The following KAZN variants were observed in gnomAD, a reference collection of about 807,000 sequenced individuals.
KAZN encodes kazrin, periplakin interacting protein, also known as kazrin.
KAZN carries 40 observed loss-of-function variants against 87.4 expected under a neutral mutation model. The ratio of observed to expected loss-of-function variants is 0.46; its 90% CI spans 0.36 to 0.60. The LOEUF is 0.60. Ranked by LOEUF, KAZN falls within the 20% of genes least tolerant of loss-of-function variation. KAZN has a pLI of 0.00. For synonymous variants in KAZN, 466 were observed against 458.3 expected, an observed-to-expected ratio of 1.02 and a Z score of -0.22; for missense variants, 898 against 1,073.9, an observed-to-expected ratio of 0.84 and a Z score of 2.29.
intron 1 of KAZN, among the ~76,000 whole-genome samples, chr1:14,031,982 A>C (rs944884000): frequency 5.9e-5 from 9 of 152,180 alleles, no homozygotes; most frequent in African/African-American, 1.9e-4. Context: ...ATAATTCCCC[A>C]AATTGGTAAC....
At chr1:14,437,327 C>G (rs1048216282) in intron 2 of KAZN, among the ~76,000 whole-genome samples, 1 of 152,236 alleles carries the variant, frequency 6.6e-6, no homozygotes, top group Non-Finnish European at 1.5e-5. Flanking sequence ...CAATGAGGAG[C>G]ATTTTCAGAA....
intron 1 of KAZN, among the ~76,000 whole-genome samples, chr1:14,039,706 A>G (rs1054735305): frequency 6.6e-6 from 1 of 152,250 alleles, no homozygotes; most frequent in African/African-American, 2.4e-5. Context: ...GTTGATCAAT[A>G]TAAACAGCCT....
chr1:14,502,519 C>G (rs1216841729), intron 2 of KAZN, among the ~76,000 whole-genome samples: 2 of 152,162 alleles, frequency 1.3e-5, no homozygotes, highest in Non-Finnish European at 2.9e-5. Flanking sequence ...AAACCATGAG[C>G]TCTCTTCTTT....
At chr1:14,090,952 A>C (rs1241705884) in intron 1 of KAZN, among the ~76,000 whole-genome samples, 3 of 151,946 alleles carry the variant, frequency 2.0e-5, no homozygotes, top group Non-Finnish European at 1.5e-5. Flanking sequence ...TGTCTACTAA[A>C]AATACAAAAA....
chr1:14,230,539 C>T (rs576979049), intron 2 of KAZN, among the ~76,000 whole-genome samples: 2 of 152,114 alleles, frequency 1.3e-5, no homozygotes, highest in Non-Finnish European at 2.9e-5. Context: ...GGTCGGAGTC[C>T]AATCCCTGTG....
intron 2 of KAZN, among the ~76,000 whole-genome samples, chr1:14,254,612 C>T (rs1650337133): frequency 6.6e-6 from 1 of 151,952 alleles, no homozygotes; most frequent in Non-Finnish European, 1.5e-5. Flanking sequence ...TGGAACAGCT[C>T]ATTATTTTAC....
At chr1:14,718,150 T>C (rs1271273747) in intron 1 of KAZN, among the ~76,000 whole-genome samples, 1 of 152,242 alleles carries the variant, frequency 6.6e-6, no homozygotes, top group Non-Finnish European at 1.5e-5. Flanking sequence ...GCATTTTCGA[T>C]GTGCTTCATG....
intron 2 of KAZN, among the ~76,000 whole-genome samples, chr1:14,352,139 A>G (rs1334625641): frequency 6.6e-6 from 1 of 152,216 alleles, no homozygotes; most frequent in African/African-American, 2.4e-5. Flanking sequence ...TATACATCAT[A>G]CAAGTATAAA....
intron 2 of KAZN, chr1:14,304,738 T>G (rs1307146079): frequency 2.5e-6 from 1 of 397,946 alleles, no homozygotes; most frequent in East Asian, 3.6e-5. Flanking sequence ...CTAGTACATG[T>G]GGCATTACCA....
intron 1 of KAZN, among the ~76,000 whole-genome samples, chr1:14,070,566 C>T (rs1025225334): frequency 1.3e-5 from 2 of 152,088 alleles, no homozygotes; most frequent in African/African-American, 2.4e-5. Flanking sequence ...TAAAAAAAGT[C>T]ATTTCTACAG....
intron 1 of KAZN, among the ~76,000 whole-genome samples, chr1:14,957,996 T>C (rs1022168417): frequency 1.3e-5 from 2 of 152,146 alleles, no homozygotes; most frequent in East Asian, 1.9e-4. Context: ...CAGGAAGTGA[T>C]GTGAGATGGA....
intron 1 of KAZN, among the ~76,000 whole-genome samples, chr1:13,957,331 G>A (rs1315319279): frequency 1.3e-5 from 2 of 152,192 alleles, no homozygotes; most frequent in Non-Finnish European, 2.9e-5. Context: ...CCAGATCCCT[G>A]CTCTTCTGGG....
chr1:14,891,408 T>C (rs1469300424), intron 1 of KAZN, among the ~76,000 whole-genome samples: 2 of 152,164 alleles, frequency 1.3e-5, no homozygotes, highest in African/African-American at 4.8e-5. Context: ...GAACATACAA[T>C]GTTTGGGTTT....
intron 2 of KAZN, among the ~76,000 whole-genome samples, chr1:14,558,724 C>T (rs1415062476): frequency 6.6e-6 from 1 of 152,152 alleles, no homozygotes; most frequent in Admixed American, 6.5e-5. Flanking sequence ...GGGATGTAAG[C>T]TTCTTGACGG....
At chr1:14,033,420 CAGTA>C (rs1295538054) in intron 1 of KAZN, among the ~76,000 whole-genome samples, 2 of 152,160 alleles carry the variant, frequency 1.3e-5, no homozygotes, top group African/African-American at 4.8e-5. Flanking sequence ...TTCCTGGAGA[CAGTA>C]AGGCAGCATC....
At chr1:13,966,692 G>A (rs1486968059) in intron 1 of KAZN, among the ~76,000 whole-genome samples, 1 of 152,180 alleles carries the variant, frequency 6.6e-6, no homozygotes, top group African/African-American at 2.4e-5. Flanking sequence ...TCTGAGTTGA[G>A]ATGTGCCGTA....
chr1:15,084,656 G>A (rs1013829571), intron 8 of KAZN, among the ~76,000 whole-genome samples: 3 of 152,202 alleles, frequency 2.0e-5, no homozygotes, highest in African/African-American at 7.2e-5. Context: ...CAGAGATGCT[G>A]TCATTCAACC....
intron 1 of KAZN, among the ~76,000 whole-genome samples, chr1:14,638,075 G>A (rs546076301): frequency 3.3e-5 from 5 of 152,034 alleles, no homozygotes; most frequent in Admixed American, 6.6e-5. Flanking sequence ...ATGTGTCTTC[G>A]TCTCCGTGTG....
intron 2 of KAZN, among the ~76,000 whole-genome samples, chr1:14,352,515 C>G (rs1257806248): frequency 6.6e-6 from 1 of 152,176 alleles, no homozygotes; most frequent in Non-Finnish European, 1.5e-5. Context: ...TCTTCTACTA[C>G]TAATAAAACC....
Sources: gnomAD v4.1 joint callset for allele counts (sites outside exome capture counted in the v4.1 genomes callset) on GRCh38, gnomAD v4.1.1 for gene constraint, MANE v1.5 for transcripts, NCBI Gene and HGNC (gene_info 2026-07-23, HGNC 2026-07-21) for gene names.